SYCP1: variants seen among roughly 807,000 people sequenced by gnomAD.
SYCP1 encodes cancer/testis antigen 8.
Under a neutral mutation model 153.1 loss-of-function variants are expected in SYCP1, and 64 were observed. The observed-to-expected ratio is 0.42, with a 90% confidence interval of 0.34 to 0.51. The LOEUF is 0.51. Ranked by LOEUF, SYCP1 falls within the 20% of genes least tolerant of loss-of-function variation. The probability of loss-of-function intolerance (pLI) is 0.06; values close to 1 mark genes in which losing one functional copy is unlikely to be tolerated. For missense variants in SYCP1, 997 were observed against 1,049.0 expected (o/e 0.95, Z 0.68); for synonymous variants, 384 against 341.8 (o/e 1.12, Z -1.36).
At chr1:114,873,613 T>C (rs1665317150) in intron 8 of SYCP1, among the ~76,000 whole-genome samples, 2 of 152,306 alleles carry the variant, frequency 1.3e-5, no homozygotes, top group South Asian at 2.1e-4. Flanking sequence ...ACGGGACATA[T>C]TGGTATAGTT....
Position 114,858,602 on chromosome 1 carries a change from T to TA in SYCP1, c.354dup (p.Trp119MetfsTer8). The TA allele has an allele frequency of 1.2e-6, 2 of 1,612,414 alleles. No homozygotes were observed. On this transcript the variant is annotated frameshift_variant, in exon 6 of 32. Transcript: ENST00000369522. LOFTEE classifies it high-confidence loss of function. ...AAACTGTATAAGGAGGCTGAAAAGA[T>TA]AAAAAAATGGAAAGTAAGTACAGAA...
intron 8 of SYCP1, among the ~76,000 whole-genome samples, chr1:114,864,987 A>G (rs1023275278): frequency 6.6e-6 from 1 of 152,234 alleles, no homozygotes; most frequent in Admixed American, 6.5e-5. Flanking sequence ...AGCATTAGGT[A>G]TATCTCCTAA....
intron 16 of SYCP1, among the ~76,000 whole-genome samples, chr1:114,904,156 G>A (rs142337128): frequency 0.037 from 5,008 of 136,304 alleles, 283 homozygotes; most frequent in African/African-American, 0.13. Flanking sequence ...TTGCTCTGTT[G>A]CCCAGGCTGG....
chr1:114,991,382 T>C (rs1673911943), intron 30 of SYCP1, among the ~76,000 whole-genome samples: 1 of 151,874 alleles, frequency 6.6e-6, no homozygotes, highest in African/African-American at 2.4e-5. Context: ...CAATATCTCT[T>C]ATGAATTAGA....
intron 7 of SYCP1, among the ~76,000 whole-genome samples, chr1:114,860,519 A>G (rs1260109224): frequency 6.6e-6 from 1 of 152,098 alleles, no homozygotes; most frequent in Non-Finnish European, 1.5e-5. Flanking sequence ...TAGAACTTTT[A>G]CTTTTAAAGG....
At chr1:114,986,009 A>G (rs1673478665) in intron 30 of SYCP1, among the ~76,000 whole-genome samples, 2 of 151,974 alleles carry the variant, frequency 1.3e-5, no homozygotes, top group African/African-American at 2.4e-5. Flanking sequence ...TGTATTGGGT[A>G]TTATAAGTAA....
intron 27 of SYCP1, among the ~76,000 whole-genome samples, chr1:114,954,627 C>T (rs1268685423): frequency 1.3e-5 from 2 of 151,304 alleles, no homozygotes; most frequent in Non-Finnish European, 2.9e-5. Flanking sequence ...TGTCACCAGG[C>T]TGGAGTGCAG....
At chr1:114,898,888 T>C (rs550994534) in intron 16 of SYCP1, among the ~76,000 whole-genome samples, 1 of 152,282 alleles carries the variant, frequency 6.6e-6, no homozygotes, top group East Asian at 1.9e-4. Context: ...CTGAGTTGGG[T>C]AATCCTCTCC....
chr1:114,874,390 G>A (rs1326880545), intron 8 of SYCP1, 116 bp from the exon 9 acceptor site: 5 of 616,596 alleles, frequency 8.1e-6, no homozygotes, highest in African/African-American at 5.7e-5. Flanking sequence ...ATAACCCAAT[G>A]TTCATCATTA....
At chr1:114,958,326 G>T (rs1443349992) in intron 27 of SYCP1, among the ~76,000 whole-genome samples, 1 of 152,068 alleles carries the variant, frequency 6.6e-6, no homozygotes, top group African/African-American at 2.4e-5. Flanking sequence ...ATTGATTAAT[G>T]GGTACAAATA....
intron 28 of SYCP1, among the ~76,000 whole-genome samples, chr1:114,979,394 A>G (rs946732641): frequency 2.0e-5 from 3 of 151,774 alleles, no homozygotes; most frequent in African/African-American, 7.2e-5. Context: ...ACAACAGAGA[A>G]AATTGTGAAT....
chr1:114,981,385 A>G lies in SYCP1; in HGVS notation c.2432A>G (p.Asp811Gly). The G allele has an allele frequency of 6.2e-7, 1 of 1,606,102 alleles. No individual in the cohort carries two copies. The highest frequency in any genetic ancestry group is 2.2e-5 in the East Asian group (1 of 44,614). The change falls in exon 29 of 32, where the codon GAT (aspartate) becomes GGT (glycine). Residue 811 changes from aspartate to glycine, a missense_variant. By Grantham distance (94) the Asp-to-Gly change is moderately conservative. This residue lies in a region of SYCP1 where 712 missense variants were observed against 682.9 expected (regional missense o/e 1.04). Coordinates refer to ENST00000369522, the MANE Select transcript of SYCP1 (RefSeq NM_003176.4). ...ACACCTGAAATTTATTGGAAATTGG[A>G]TTCTAAAGCAGTTCCTTCACAAACT... The part of the protein sequence containing the change: ...LETPEIYWKL[D>G]SKAVPSQTVS...
chr1:114,961,087 G>A (rs1671756126), intron 27 of SYCP1, among the ~76,000 whole-genome samples: 1 of 152,104 alleles, frequency 6.6e-6, no homozygotes, highest in African/African-American at 2.4e-5. Flanking sequence ...TAGGAGGGTT[G>A]TATATTTCCA....
intron 8 of SYCP1, among the ~76,000 whole-genome samples, chr1:114,874,236 G>C (rs1302806395): frequency 6.6e-6 from 1 of 152,098 alleles, no homozygotes; most frequent in Non-Finnish European, 1.5e-5. Context: ...CTTCTCTTAA[G>C]GATCTGAGAA....
At chr1:114,923,589 A>G (rs895936404) in intron 21 of SYCP1, 59 bp downstream of exon 21, 5 of 1,441,078 alleles carry the variant, frequency 3.5e-6, no homozygotes, top group Non-Finnish European at 4.7e-6. Flanking sequence ...AAGCAACACC[A>G]TATGTCTAAA....
rs192036574 is a variant in SYCP1 at position 114,890,979 on chromosome 1, T to A, written c.1258+3286T>A. Among the ~76,000 whole-genome samples the A allele has an allele frequency of 9.8e-5, 15 of 152,328 alleles. No individual in the cohort carries two copies. In the East Asian group the frequency reaches 1.7e-3, roughly 18 times the overall value. ...ACAAAAATTGTATTTGTAAGATTAA[T>A]CATCAAACCGTGCTTCAGATTACCC... On this transcript the variant is annotated intron_variant, in intron 15 of 31. Transcript: ENST00000369522.
At chr1:114,980,980 T>C (rs1673112625) in intron 28 of SYCP1, among the ~76,000 whole-genome samples, 1 of 152,076 alleles carries the variant, frequency 6.6e-6, no homozygotes, top group South Asian at 2.1e-4. Flanking sequence ...TCTCCCTCTA[T>C]GTGTCCATGT....
chr1:114,932,325 A>T (rs1669686014), intron 23 of SYCP1, among the ~76,000 whole-genome samples: 1 of 152,254 alleles, frequency 6.6e-6, no homozygotes. Context: ...TGTATCCAGA[A>T]TATATAAATA....
chr1:114,873,369 C>T (rs1445761339), intron 8 of SYCP1, among the ~76,000 whole-genome samples: 3 of 152,134 alleles, frequency 2.0e-5, no homozygotes, highest in South Asian at 4.1e-4. Context: ...ATAAATACTC[C>T]TCAGCCCTTG....
Sources: gnomAD v4.1 joint callset for allele counts (sites outside exome capture counted in the v4.1 genomes callset) on GRCh38, gnomAD v4.1.1 for gene constraint, gnomAD v4.1.1 regional missense constraint, MANE v1.5 for transcripts, NCBI Gene and HGNC (gene_info 2026-07-23, HGNC 2026-07-21) for gene names.